The following ELAVL4 variants were observed in gnomAD, a reference collection of about 807,000 sequenced individuals.
The protein encoded by ELAVL4 is ELAV-like protein 4.
In ELAVL4, 1 loss-of-function variant was observed where a neutral mutation model predicts 35.6. The ratio of observed to expected loss-of-function variants is 0.03; its 90% CI spans 0.01 to 0.13. ELAVL4 has a LOEUF of 0.13. ELAVL4 is among the 10% of genes least tolerant of loss of function. The probability of loss-of-function intolerance (pLI) is 1.00; values close to 1 mark genes in which losing one functional copy is unlikely to be tolerated. For missense variants in ELAVL4, 267 were observed against 464.9 expected (o/e 0.57, Z 3.91); for synonymous variants, 156 against 171.0 (o/e 0.91, Z 0.69).
At chr1:50,118,718 G>C (rs752267099) in intron 1 of ELAVL4, among the ~76,000 whole-genome samples, 18 of 151,914 alleles carry the variant, frequency 1.2e-4, no homozygotes, top group Non-Finnish European at 1.9e-4. Context: ...GCTGTGACCT[G>C]TTGCCGTTAT....
intron 2 of ELAVL4, among the ~76,000 whole-genome samples, chr1:50,160,193 CG>C (rs1557805518): frequency 6.6e-6 from 1 of 152,178 alleles, no homozygotes; most frequent in African/African-American, 2.4e-5. Context: ...ACATCTGCCA[CG>C]TACTTGACTC....
At chr1:50,179,023 T>A (rs542260650) in intron 3 of ELAVL4, among the ~76,000 whole-genome samples, 4 of 152,148 alleles carry the variant, frequency 2.6e-5, no homozygotes, top group African/African-American at 7.2e-5. Flanking sequence ...TGAGTAGACC[T>A]GGCTTTTCTG....
intron 1 of ELAVL4, among the ~76,000 whole-genome samples, chr1:50,092,996 G>A (rs970221655): frequency 1.3e-5 from 2 of 152,140 alleles, no homozygotes; most frequent in African/African-American, 4.8e-5. Flanking sequence ...AAATTCCCAG[G>A]GCAGGGGATT....
At chr1:50,073,912 G>T (rs373895461) in intron 1 of ELAVL4, among the ~76,000 whole-genome samples, 1 of 152,198 alleles carries the variant, frequency 6.6e-6, no homozygotes, top group Non-Finnish European at 1.5e-5. Flanking sequence ...TATACCTTTA[G>T]TTGCCTTCTG....
At position 50,201,809 on chromosome 1, in the gene ELAVL4, G is replaced by T. The variant is rs939365755; in HGVS notation, c.*631G>T. The T allele has an allele frequency of 2.0e-5, 3 of 151,872 alleles. No individual in the cohort carries two copies. The highest frequency in any genetic ancestry group is 4.4e-5 in the Non-Finnish European group (3 of 67,974). 9.4% of individuals were successfully genotyped at this position (151,872 alleles called of 1,614,324 possible). On this transcript the variant is annotated 3_prime_UTR_variant, in exon 7 of 7. Coordinates refer to ENST00000371824, the MANE Select transcript of ELAVL4 (RefSeq NM_001144774.3). This position sits in a 1 kb window ranked among gnomAD's most constrained non-coding sequence, Gnocchi z 4.3. ...GAACTAAAACAGTCTTCTGTTAGGGGATGGGGGCAAGGGGGATACCTGATG... is the reference window on the plus strand; with the variant it reads ...GAACTAAAACAGTCTTCTGTTAGGGTATGGGGGCAAGGGGGATACCTGATG...
intron 1 of ELAVL4, among the ~76,000 whole-genome samples, chr1:50,126,658 A>C (rs1056174399): frequency 7.2e-5 from 11 of 152,120 alleles, no homozygotes; most frequent in Admixed American, 5.9e-4. Flanking sequence ...TAAACTTTTA[A>C]ATTTCACTGA....
At position 50,190,098 on chromosome 1, in the gene ELAVL4, C is replaced by A. The variant is rs899988024; in HGVS notation, c.355-3667C>A. Reference sequence around the variant, plus strand: ...AGAGGAGTGGCTTCTTCACTCCCAGCCCTTTCTGAGTTCCAGAAGGAGGTC... The same window carrying A: ...AGAGGAGTGGCTTCTTCACTCCCAGACCTTTCTGAGTTCCAGAAGGAGGTC... On this transcript the variant is annotated intron_variant, in intron 3 of 6. Coordinates refer to ENST00000371824, the MANE Select transcript of ELAVL4 (RefSeq NM_001144774.3). 2.0e-5 allele frequency among the ~76,000 whole-genome samples: 3 copies of A among 152,188 alleles called. No homozygotes were observed. In the South Asian group the frequency reaches 6.2e-4, roughly 32 times the overall value.
intron 4 of ELAVL4, among the ~76,000 whole-genome samples, chr1:50,194,981 C>CAG (rs989803235): frequency 3.9e-5 from 6 of 152,242 alleles, no homozygotes; most frequent in South Asian, 4.2e-4. Context: ...GCCAGATTGC[C>CAG]AGAGGCATTG....
At chr1:50,138,655 G>A (rs1403512410) in intron 1 of ELAVL4, among the ~76,000 whole-genome samples, 2 of 151,952 alleles carry the variant, frequency 1.3e-5, no homozygotes, top group African/African-American at 4.8e-5. Context: ...TAGTAGAGGT[G>A]GGGTTTCTCC....
chr1:50,144,112 T>TA (rs1394052891), intron 1 of ELAVL4, among the ~76,000 whole-genome samples: 1 of 152,208 alleles, frequency 6.6e-6, no homozygotes, highest in Non-Finnish European at 1.5e-5. Context: ...GTGTCCTCTA[T>TA]AGACTATAAG....
rs751862345 is a variant in ELAVL4, at chr1:50,048,238, G to A, written c.18+56G>A. 15 of 1,457,790 alleles carry A rather than the reference G, an allele frequency of 1.0e-5. No homozygotes were observed. In the South Asian group the frequency reaches 1.5e-4, roughly 14 times the overall value. The allele number at this position is 1,457,790 out of a possible 1,614,324, so 90.3% of individuals were successfully genotyped here. Reference sequence around the variant, plus strand: ...CCCGACTCTGCCCGCCCTCTGTTACGGACACCCGCTGGGCCACGTGGTCGC... The same window carrying A: ...CCCGACTCTGCCCGCCCTCTGTTACAGACACCCGCTGGGCCACGTGGTCGC... On this transcript the variant is annotated intron_variant, in intron 1 of 6. Transcript: ENST00000448907.
chr1:50,150,289 A>G (rs1457801796), intron 2 of ELAVL4, among the ~76,000 whole-genome samples: 2 of 152,216 alleles, frequency 1.3e-5, no homozygotes, highest in Non-Finnish European at 2.9e-5. Flanking sequence ...TTCCTTTATA[A>G]TACGTCTCTT....
intron 2 of ELAVL4, among the ~76,000 whole-genome samples, chr1:50,165,656 G>A (rs1677690253): frequency 6.8e-6 from 1 of 146,486 alleles, no homozygotes; most frequent in South Asian, 2.1e-4. Context: ...ATATATATGT[G>A]TGTATATATG....
chr1:50,135,810 T>C (rs1671785449), intron 1 of ELAVL4, among the ~76,000 whole-genome samples: 2 of 152,232 alleles, frequency 1.3e-5, no homozygotes, highest in South Asian at 4.1e-4. Context: ...TACAGAAACA[T>C]GGTATGAATG....
At chr1:50,167,507 A>C (rs1201162771) in intron 2 of ELAVL4, among the ~76,000 whole-genome samples, 1 of 152,118 alleles carries the variant, frequency 6.6e-6, no homozygotes, top group East Asian at 1.9e-4. Context: ...TAATATAATC[A>C]ACCTGCCACC....
In ELAVL4 at chr1:50,075,457, C is replaced by T. The variant is rs142642893; in HGVS notation, c.18+27275C>T. ...GATGTATTTTTAAATGCTCTGTCCT[C>T]TTTGTAGAAGAGTACTGAAGAGGAA... On this transcript the variant is annotated intron_variant, in intron 1 of 6. Transcript: ENST00000448907. Among the ~76,000 whole-genome samples, 1,225 of 152,266 alleles carry T rather than the reference C, an allele frequency of 8.0e-3. 8 individuals are homozygous for T. The highest frequency in any genetic ancestry group is 0.031 in the Middle Eastern group (9 of 294).
At chr1:50,114,246 C>T (rs999531136) in intron 1 of ELAVL4, among the ~76,000 whole-genome samples, 8 of 151,788 alleles carry the variant, frequency 5.3e-5, no homozygotes, top group South Asian at 2.1e-4. Context: ...GTATGGGGGG[C>T]GGTGGGCAGG....
intron 1 of ELAVL4, among the ~76,000 whole-genome samples, chr1:50,143,189 A>G (rs1313897899): frequency 6.6e-6 from 1 of 152,170 alleles, no homozygotes; most frequent in Non-Finnish European, 1.5e-5. Context: ...CCAGTTGTGA[A>G]TTGTGTTCAC....
At chr1:50,149,155 T>G (rs1377661697) in intron 2 of ELAVL4, among the ~76,000 whole-genome samples, 1 of 152,180 alleles carries the variant, frequency 6.6e-6, no homozygotes, top group Non-Finnish European at 1.5e-5. Flanking sequence ...CCCAGCACTT[T>G]GGGTGGCCAA....
Sources: allele counts gnomAD v4.1 joint callset (sites outside exome capture counted in the v4.1 genomes callset), GRCh38; gene constraint gnomAD v4.1.1; non-coding constraint Gnocchi (gnomAD v3.1); transcripts MANE v1.5; gene names NCBI Gene and HGNC (gene_info 2026-07-23, HGNC 2026-07-21).